AGMO: variants seen among roughly 807,000 people sequenced by gnomAD.
AGMO encodes the protein alkylglycerol monooxygenase, also known as glyceryl-ether monooxygenase.
AGMO carries 75 observed loss-of-function variants against 60.2 expected under a neutral mutation model. The ratio of observed to expected loss-of-function variants is 1.25; its 90% CI spans 1.03 to 1.51. The LOEUF is 1.51. Ranked by LOEUF, AGMO falls within the 40% of genes most tolerant of loss-of-function variation. AGMO has a pLI of 0.00. For synonymous variants in AGMO, 261 were observed against 177.1 expected (o/e 1.47, Z -3.76); for missense variants, 763 against 525.5 (o/e 1.45, Z -4.42).
At chr7:15,174,369 T>C in the AGMO span, among the ~76,000 whole-genome samples, 2 of 152,088 alleles carry the variant, frequency 1.3e-5, no homozygotes, top group Admixed American at 6.6e-5. Flanking sequence ...CATGTACTAT[T>C]TGCATTGTAA....
At chr7:15,264,322 T>C (rs145336075) in intron 12 of AGMO, among the ~76,000 whole-genome samples, 3,104 of 152,018 alleles carry the variant, frequency 0.02, 96 homozygotes, top group African/African-American at 0.072. Context: ...AGTGAAATAA[T>C]TGCCATATAT....
chr7:15,506,472 G>C (rs758871536), intron 3 of AGMO, among the ~76,000 whole-genome samples: 2 of 151,812 alleles, frequency 1.3e-5, no homozygotes, highest in Admixed American at 1.3e-4. Context: ...TCCATACATC[G>C]GCATTATTCC....
At chr7:15,199,588 C>T (rs571352596), downstream of AGMO, among the ~76,000 whole-genome samples, 17 of 152,020 alleles carry the variant, frequency 1.1e-4, no homozygotes, top group African/African-American at 1.9e-4. Flanking sequence ...TGTGTTTTAC[C>T]CACTGAAAAG....
chr7:15,359,117 G>A (rs867128331), intron 12 of AGMO, among the ~76,000 whole-genome samples: 5 of 151,722 alleles, frequency 3.3e-5, no homozygotes, highest in African/African-American at 7.3e-5. Context: ...GTGAAACCCC[G>A]TCTCCACTAA....
At chr7:15,210,712 C>A (rs1364332619) in intron 12 of AGMO, among the ~76,000 whole-genome samples, 1 of 151,862 alleles carries the variant, frequency 6.6e-6, no homozygotes, top group Non-Finnish European at 1.5e-5. Flanking sequence ...ATTTTTATCC[C>A]AATAATTCAA....
chr7:15,510,697 A>C (rs1354710323), intron 3 of AGMO, among the ~76,000 whole-genome samples: 1 of 150,446 alleles, frequency 6.6e-6, no homozygotes, highest in Non-Finnish European at 1.5e-5. Context: ...AAAGAAAAAT[A>C]CTGCATCATC....
At chr7:15,213,678 G>C (rs562954885) in intron 12 of AGMO, among the ~76,000 whole-genome samples, 1 of 151,990 alleles carries the variant, frequency 6.6e-6, no homozygotes, top group African/African-American at 2.4e-5. Context: ...TAGATATCAA[G>C]ATTCCTGATC....
intron 12 of AGMO, among the ~76,000 whole-genome samples, chr7:15,322,475 AATAT>A (rs1188696935): frequency 9.1e-5 from 6 of 65,604 alleles, no homozygotes; most frequent in East Asian, 4.4e-4. Context: ...TAAATATATA[AATAT>A]ATATATAAAT....
At chr7:15,365,468 G>T (rs1782936799) in intron 12 of AGMO, 46 bp downstream of exon 12, 1 of 1,208,984 alleles carries the variant, frequency 8.3e-7, no homozygotes, top group Non-Finnish European at 1.2e-6. Flanking sequence ...AATTAAATGT[G>T]CGATAGGTAT....
At chr7:15,353,166 AATG>A (rs1352791916) in intron 12 of AGMO, among the ~76,000 whole-genome samples, 6 of 152,116 alleles carry the variant, frequency 3.9e-5, no homozygotes, top group Non-Finnish European at 7.3e-5. Flanking sequence ...CTTAGGAGTA[AATG>A]ATGTTTACTT....
At chr7:15,465,924 A>G (rs1423787107) in intron 3 of AGMO, among the ~76,000 whole-genome samples, 1 of 152,150 alleles carries the variant, frequency 6.6e-6, no homozygotes, top group African/African-American at 2.4e-5. Flanking sequence ...ATAAAATTTC[A>G]AGAATGCAAA....
chr7:15,231,666 C>T (rs1047177155), intron 12 of AGMO, among the ~76,000 whole-genome samples: 1 of 152,086 alleles, frequency 6.6e-6, no homozygotes, highest in African/African-American at 2.4e-5. Flanking sequence ...GCTAGTCAGA[C>T]CTGGGTTAAG....
At chr7:15,223,280 T>G (rs2128497508) in intron 12 of AGMO, among the ~76,000 whole-genome samples, 1 of 152,056 alleles carries the variant, frequency 6.6e-6, no homozygotes, top group Admixed American at 6.6e-5. Flanking sequence ...ACACTATAGG[T>G]TACTAGAAAT....
intron 5 of AGMO, among the ~76,000 whole-genome samples, chr7:15,398,169 C>G (rs1376284484): frequency 6.6e-6 from 1 of 152,108 alleles, no homozygotes; most frequent in Non-Finnish European, 1.5e-5. Flanking sequence ...CTTCTGCTCC[C>G]CAGATGAATT....
intron 3 of AGMO, among the ~76,000 whole-genome samples, chr7:15,487,418 A>G (rs1005742737): frequency 1.3e-5 from 2 of 152,080 alleles, no homozygotes; most frequent in African/African-American, 4.8e-5. Context: ...CATATATTAA[A>G]TAAAATTGAA....
chr7:15,538,427 C>A (rs1784533715), intron 3 of AGMO, among the ~76,000 whole-genome samples: 1 of 152,000 alleles, frequency 6.6e-6, no homozygotes, highest in Non-Finnish European at 1.5e-5. Context: ...AAGACGAAGT[C>A]TCTCCATGTT....
rs76402014 is a variant in AGMO at position 15,506,673 on chromosome 7, G to A, written c.409+38099C>T. Among the ~76,000 whole-genome samples, 758 of 152,010 alleles carry A rather than the reference G, an allele frequency of 5.0e-3. 7 individuals carry two copies. Among genetic ancestry groups the A allele is most frequent in the African/African-American group, 0.017 (714 of 41,494 alleles). ...GTACCTGAAATAGTCTTCTTCATCT[G>A]CATATTAACTCCAATACCACTGTAG... On this transcript the variant is annotated intron_variant, in intron 3 of 12. Transcript: ENST00000342526.
At chr7:15,239,172 T>C (rs1374906393) in intron 12 of AGMO, among the ~76,000 whole-genome samples, 2 of 152,118 alleles carry the variant, frequency 1.3e-5, no homozygotes, top group East Asian at 1.9e-4. Context: ...AAGGCTGAGA[T>C]TGTTGCTTAC....
chr7:15,407,031 AT>A, intron 5 of AGMO, among the ~76,000 whole-genome samples: 1 of 146,122 alleles, frequency 6.8e-6, no homozygotes, highest in Non-Finnish European at 1.5e-5. Context: ...ATATATATGT[AT>A]ATACACACAT....
Sources: gnomAD v4.1 joint callset for allele counts (sites outside exome capture counted in the v4.1 genomes callset) on GRCh38, gnomAD v4.1.1 for gene constraint, MANE v1.5 for transcripts, NCBI Gene and HGNC (gene_info 2026-07-23, HGNC 2026-07-21) for gene names.